The following AFDN variants were observed in gnomAD, a reference collection of about 807,000 sequenced individuals.
AFDN encodes afadin, adherens junction formation factor.
In AFDN, 68 loss-of-function variants were observed where a neutral mutation model predicts 216.6. The ratio of observed to expected loss-of-function variants is 0.31; its 90% CI spans 0.26 to 0.38. The LOEUF is 0.38. AFDN is among the 10% of genes least tolerant of loss of function. The probability of loss-of-function intolerance (pLI) is 1.00; values close to 1 mark genes in which losing one functional copy is unlikely to be tolerated. For synonymous variants in AFDN, 868 were observed against 853.7 expected (o/e 1.02, Z -0.29); for missense variants, 2,136 against 2,342.0 (o/e 0.91, Z 1.82).
At chr6:167,969,492 G>A (rs1203859237) in intron 33 of AFDN, among the ~76,000 whole-genome samples, 1 of 152,086 alleles carries the variant, frequency 6.6e-6, no homozygotes, top group African/African-American at 2.4e-5. Flanking sequence ...GTACCCCTCA[G>A]GTTACACTTA....
chr6:167,921,014 C>A (rs1178409634), intron 21 of AFDN, among the ~76,000 whole-genome samples: 1 of 152,204 alleles, frequency 6.6e-6, no homozygotes, highest in Non-Finnish European at 1.5e-5. Flanking sequence ...AGGGTGGTCC[C>A]TGAGATCCTG....
Position 167,962,525 on chromosome 6 carries a change from G to C in AFDN, c.4926G>C (p.Arg1642=). The change falls in exon 31 of 34, where the codon CGG becomes CGC. Residue 1642 remains arginine (R), a synonymous_variant. Coordinates refer to ENST00000683244, the MANE Select transcript of AFDN (RefSeq NM_001386888.1). The surrounding 1 kb of genome is among the most constrained non-coding windows in gnomAD (Gnocchi z 5.2). ...GAGCGAGGCAAGAGGAAGAGCGCCG[G>C]CGGCAGGAGGAGGAGCGAACAAAAC... is the stretch of plus-strand genomic sequence containing the variant. ...EDRARQEEER[R]RQEEERTKRD... is the part of the protein sequence containing the mutation. 1 of 1,613,884 alleles carries C rather than the reference G, an allele frequency of 6.2e-7. No individual in the cohort carries two copies. The highest frequency in any genetic ancestry group is 8.5e-7 in the Non-Finnish European group (1 of 1,179,844).
intron 6 of AFDN, among the ~76,000 whole-genome samples, chr6:167,880,988 G>A (rs1786035027): frequency 6.6e-6 from 1 of 152,204 alleles, no homozygotes; most frequent in South Asian, 2.1e-4. Flanking sequence ...CAGTTTGTCA[G>A]TGTCTACCCA....
At chr6:167,882,219 A>G (rs1786205554) in intron 6 of AFDN, among the ~76,000 whole-genome samples, 1 of 152,176 alleles carries the variant, frequency 6.6e-6, no homozygotes, top group Admixed American at 6.5e-5. Context: ...AATAAAAAAT[A>G]TATAAAGTAA....
intron 23 of AFDN, among the ~76,000 whole-genome samples, chr6:167,931,176 T>G (rs1793254165): frequency 1.3e-5 from 2 of 152,196 alleles, no homozygotes; most frequent in Admixed American, 6.5e-5. Context: ...TTGGATTGGC[T>G]TATGAGTTGC....
chr6:167,829,136 A>C (rs191787601), intron 1 of AFDN, among the ~76,000 whole-genome samples: 258 of 152,276 alleles, frequency 1.7e-3, no homozygotes, highest in Middle Eastern at 0.014. Context: ...TTATATCTGA[A>C]CATTTCCATT....
chr6:167,953,415 A>G (rs1408475821), intron 30 of AFDN, among the ~76,000 whole-genome samples: 7 of 152,178 alleles, frequency 4.6e-5, no homozygotes, highest in Non-Finnish European at 8.8e-5. Context: ...ACTTCTTAAT[A>G]TATACATATC....
chr6:167,950,398 C>CTGTGTGTGTG (rs3839648), intron 29 of AFDN, among the ~76,000 whole-genome samples: 2 of 148,814 alleles, frequency 1.3e-5, no homozygotes, highest in Non-Finnish European at 3.0e-5. Flanking sequence ...TTCTCTGTGT[C>CTGTGTGTGTG]TGTGTGTGTG....
At position 167,943,616 on chromosome 6, in the gene AFDN, A is replaced by G. The variant is rs1794945008; in HGVS notation, c.3239+141A>G. Reference sequence around the variant, plus strand: ...CCTTTTATAGTGTACGTGACATTTCACTTGTTATCAAATTATAAATATATA... The same window carrying G: ...CCTTTTATAGTGTACGTGACATTTCGCTTGTTATCAAATTATAAATATATA... On this transcript the variant is annotated intron_variant, in intron 25 of 33. Coordinates refer to ENST00000683244, the MANE Select transcript of AFDN (RefSeq NM_001386888.1). The G allele has an allele frequency of 2.8e-5, 18 of 632,476 alleles. 1 individual carries two copies. In the South Asian group the frequency reaches 4.1e-4, roughly 14 times the overall value. The allele number at this position is 632,476 out of a possible 1,614,324, so 39.2% of individuals were successfully genotyped here.
chr6:167,872,430 T>G, intron 4 of AFDN, 53 bp downstream of exon 4: 1 of 1,546,992 alleles, frequency 6.5e-7, no homozygotes, highest in Non-Finnish European at 8.7e-7. Context: ...ATCAGATGTT[T>G]TTGTTGCACC....
chr6:167,840,321 G>A (rs997199033), intron 1 of AFDN, among the ~76,000 whole-genome samples: 5 of 152,190 alleles, frequency 3.3e-5, no homozygotes, highest in East Asian at 3.8e-4. Context: ...ACTGTTCCTC[G>A]TTATTCACTG....
intron 31 of AFDN, chr6:167,964,910 G>T: frequency 9.4e-7 from 1 of 1,061,878 alleles, no homozygotes; most frequent in Non-Finnish European, 1.1e-6. Flanking sequence ...ACAAAACTGT[G>T]CTGTTACCTT....
chr6:167,852,492 T>C (rs990950840), intron 1 of AFDN, among the ~76,000 whole-genome samples: 1 of 152,186 alleles, frequency 6.6e-6, no homozygotes, highest in Non-Finnish European at 1.5e-5. Context: ...GCTGTGTATT[T>C]CATATTGAAT....
intron 23 of AFDN, among the ~76,000 whole-genome samples, chr6:167,932,322 A>G (rs907470414): frequency 1.3e-5 from 2 of 152,134 alleles, no homozygotes; most frequent in African/African-American, 4.8e-5. Flanking sequence ...TATGAAATCC[A>G]GATGATTTGG....
intron 13 of AFDN, among the ~76,000 whole-genome samples, chr6:167,910,006 G>A (rs1410675111): frequency 6.6e-6 from 1 of 152,150 alleles, no homozygotes; most frequent in South Asian, 2.1e-4. Context: ...AGTGGGTAGC[G>A]AACTTAGAGT....
chr6:167,951,775 C>G lies in AFDN; in HGVS notation c.4421C>G (p.Pro1474Arg). 6.2e-7 allele frequency: 1 copy of G among 1,614,202 alleles called. No homozygotes were observed. Among genetic ancestry groups the G allele is most frequent in the Non-Finnish European group, 8.5e-7 (1 of 1,180,050 alleles). The stretch of plus-strand genomic sequence containing the variant: ...GCACAGCAGATGAAGCCCGAAAAGC[C>G]TTCCACACTCCAGCGGCCACAGGAA... The part of the protein sequence containing the change: ...LTAQQMKPEK[P>R]STLQRPQETV... Residue 1474 changes from proline (P) to arginine (R), a missense_variant, in exon 30 of 34, where the codon CCT (proline) becomes CGT (arginine). Physicochemically the swap from Pro to Arg is moderately radical, Grantham distance 103. This residue lies in a region of AFDN where 981 missense variants were observed against 966.0 expected (regional missense o/e 1.02). Coordinates refer to ENST00000683244, the MANE Select transcript of AFDN (RefSeq NM_001386888.1). The surrounding 1 kb of genome is among the most constrained non-coding windows in gnomAD (Gnocchi z 7.1).
In AFDN at chr6:167,962,678, GA is replaced by G; in HGVS notation, c.4968+112del. On this transcript the variant is annotated intron_variant, in intron 31 of 33. Transcript: ENST00000683244. The surrounding 1 kb of genome is among the most constrained non-coding windows in gnomAD (Gnocchi z 5.2). ...TGTGTTTCTTAAGAAGCACGAGGCA[GA>G]GCAGGGCCTGGCTCCCCCAGCTTTG... 6.4e-7 allele frequency: 1 copy of G among 1,569,278 alleles called. No homozygotes were observed. The highest frequency in any genetic ancestry group is 8.6e-7 in the Non-Finnish European group (1 of 1,156,266).
intron 27 of AFDN, among the ~76,000 whole-genome samples, chr6:167,947,387 G>T (rs900964168): frequency 6.6e-6 from 1 of 152,128 alleles, no homozygotes; most frequent in Non-Finnish European, 1.5e-5. Context: ...CACCATGTTA[G>T]CCAGGATGGT....
At chr6:167,901,051 G>C (rs1788884360) in intron 11 of AFDN, among the ~76,000 whole-genome samples, 1 of 152,154 alleles carries the variant, frequency 6.6e-6, no homozygotes, top group Non-Finnish European at 1.5e-5. Context: ...TGGTGAGATA[G>C]AGGAGAAATT....
Sources: gnomAD v4.1 joint callset for allele counts (sites outside exome capture counted in the v4.1 genomes callset) on GRCh38, gnomAD v4.1.1 for gene constraint, gnomAD v4.1.1 regional missense constraint, Gnocchi (gnomAD v3.1) non-coding constraint, MANE v1.5 for transcripts, NCBI Gene and HGNC (gene_info 2026-07-23, HGNC 2026-07-21) for gene names.